Variants in ULK1 observed in about 807,000 individuals in gnomAD.
ULK1 encodes the protein serine/threonine-protein kinase ULK1.
ULK1 carries 48 observed loss-of-function variants against 117.5 expected under a neutral mutation model. The observed-to-expected ratio is 0.41, with a 90% confidence interval of 0.32 to 0.52. The LOEUF (loss-of-function observed/expected upper bound fraction) is 0.52. Among genes scored for constraint, ULK1 ranks in the 20% least tolerant of loss-of-function variants. ULK1 has a pLI of 0.29. For missense variants in ULK1, 1,387 were observed against 1,473.4 expected (o/e 0.94, Z 0.96); for synonymous variants, 790 against 637.8 (o/e 1.24, Z -3.60).
In ULK1 at chr12:131,915,437, A is replaced by T; in HGVS notation, c.1609+16A>T. On this transcript the variant is annotated intron_variant, in intron 18 of 27. Coordinates refer to ENST00000321867, the MANE Select transcript of ULK1 (RefSeq NM_003565.4). Reference sequence around the variant, plus strand: ...CCTCGTCCAGGTGGGTGCAGTCCGGAGGGGGGAGGGGGTGCTAGGCTGACC... The same window carrying T: ...CCTCGTCCAGGTGGGTGCAGTCCGGTGGGGGGAGGGGGTGCTAGGCTGACC... 6.2e-7 allele frequency: 1 copy of T among 1,610,718 alleles called. No homozygotes were observed. The highest frequency in any genetic ancestry group is 1.1e-5 in the South Asian group (1 of 90,938).
At chr12:131,915,763 C>T (rs540966008) in intron 18 of ULK1, 128 bp from the exon 19 acceptor site, 26 of 1,303,162 alleles carry the variant, frequency 2.0e-5, no homozygotes, top group Non-Finnish European at 2.3e-5. Context: ...GGCGAGACCC[C>T]GTCTCAACAA....
intron 20 of ULK1, 81 bp downstream of exon 20, chr12:131,916,672 G>A: frequency 7.1e-7 from 1 of 1,409,892 alleles, no homozygotes; most frequent in Non-Finnish European, 9.3e-7. Context: ...GTACTTCTGG[G>A]GGGTAGAACA....
intron 18 of ULK1, 130 bp from the exon 19 acceptor site, chr12:131,915,761 C>A: frequency 7.8e-7 from 1 of 1,286,292 alleles, no homozygotes; most frequent in Non-Finnish European, 1.1e-6. Flanking sequence ...AGGGCGAGAC[C>A]CCGTCTCAAC....
chr12:131,914,619 T>C lies in ULK1; in HGVS notation c.1373+142T>C, dbSNP rs764235095. On this transcript the variant is annotated intron_variant, in intron 16 of 27. Coordinates refer to ENST00000321867, the MANE Select transcript of ULK1 (RefSeq NM_003565.4). The stretch of plus-strand genomic sequence containing the variant: ...CACTGCGTAACTCAGCACCACCATT[T>C]ACTTTGTTGATGTCTTGGGTTTCTA... 117 of 1,153,948 alleles carry C rather than the reference T, an allele frequency of 1.0e-4. No individual in the cohort carries two copies. In the Middle Eastern group the frequency reaches 1.2e-3, roughly 12 times the overall value. The allele number at this position is 1,153,948 out of a possible 1,614,324, so 71.5% of individuals were successfully genotyped here. A position where few individuals can be genotyped will look rare whatever the true frequency, so the allele number is the denominator to read the frequency against.
chr12:131,896,177 GTGTT>G (rs1427391241), intron 3 of ULK1, among the ~76,000 whole-genome samples: 1 of 152,158 alleles, frequency 6.6e-6, no homozygotes, highest in African/African-American at 2.4e-5. Context: ...TCTAGGCCGT[GTGTT>G]TGTTGACATT....
intron 3 of ULK1, among the ~76,000 whole-genome samples, chr12:131,899,290 G>A (rs1888997592): frequency 6.6e-6 from 1 of 151,722 alleles, no homozygotes; most frequent in South Asian, 2.1e-4. Context: ...CCGGGTTCAA[G>A]CGATTCTCCT....
intron 3 of ULK1, among the ~76,000 whole-genome samples, chr12:131,901,967 C>T (rs1013182447): frequency 1.3e-5 from 2 of 152,160 alleles, no homozygotes; most frequent in Non-Finnish European, 2.9e-5. Flanking sequence ...GGCCACCCAC[C>T]CCTGCCTCAC....
intron 18 of ULK1, among the ~76,000 whole-genome samples, 193 bp downstream of exon 18, chr12:131,915,614 T>C (rs1889743413): frequency 6.6e-6 from 1 of 152,180 alleles, no homozygotes; most frequent in Admixed American, 6.5e-5. Flanking sequence ...TGTGCCAGTC[T>C]TCTGTGCTGG....
Position 131,913,187 on chromosome 12 carries a change from T to TC in ULK1, c.1097-6dup. ...CAAGGACTCCAGGCCCAGCCTTGTC[T>TC]CCCCCTGCAGGTGACCTGGTGGCTG... On this transcript the variant is annotated splice_polypyrimidine_tract_variant and intron_variant, in intron 13 of 27. Transcript: ENST00000321867. The TC allele has an allele frequency of 1.3e-6, 2 of 1,566,272 alleles. No homozygotes were observed.
intron 3 of ULK1, among the ~76,000 whole-genome samples, chr12:131,901,983 C>G (rs886360119): frequency 1.3e-5 from 2 of 152,160 alleles, no homozygotes; most frequent in Non-Finnish European, 2.9e-5. Context: ...CTCACTGCAT[C>G]TAGGGACCTG....
chr12:131,908,872 C>G (rs776524514), intron 6 of ULK1, 26 bp from the exon 7 acceptor site: 56 of 1,608,266 alleles, frequency 3.5e-5, no homozygotes, highest in Non-Finnish European at 4.7e-5. Context: ...GGGGCCGGCG[C>G]CGGTCCTGAC....
chr12:131,912,662 G>A (rs1239106371), intron 13 of ULK1, among the ~76,000 whole-genome samples: 1 of 152,214 alleles, frequency 6.6e-6, no homozygotes, highest in East Asian at 1.9e-4. Flanking sequence ...CTCATGCCGA[G>A]CCCTCCGCCT....
Position 131,918,780 on chromosome 12 carries a change from G to GCT in ULK1, c.2511+99_2511+100insCT, listed in dbSNP as rs1889988472. On this transcript the variant is annotated intron_variant, in intron 23 of 27. Transcript: ENST00000321867. ...GGGGTATAGGGTGTGTGGGGTGTCGGGTGTGGGGTGTCGGGGGTGTGGGGT... is the reference window on the plus strand; with the variant it reads ...GGGGTATAGGGTGTGTGGGGTGTCGGCTGTGTGGGGTGTCGGGGGTGTGGGGT... 5.1e-6 allele frequency: 5 copies of GCT among 983,376 alleles called. No individual in the cohort carries two copies. The African/African-American group carries it at 5.6e-5, about 11-fold the overall frequency. 60.9% of individuals were successfully genotyped at this position (983,376 alleles called of 1,614,324 possible).
At chr12:131,895,865 G>A (rs1315805125) in intron 3 of ULK1, 41 bp downstream of exon 3, 2 of 1,612,866 alleles carry the variant, frequency 1.2e-6, no homozygotes, top group South Asian at 1.1e-5. Flanking sequence ...ACCGGGCTGG[G>A]GGACTGTGGC....
chr12:131,905,415 C>T (rs1004081105), intron 3 of ULK1, among the ~76,000 whole-genome samples: 15 of 152,096 alleles, frequency 9.9e-5, no homozygotes, highest in South Asian at 2.1e-4. Flanking sequence ...GCTCCTGAGG[C>T]GCTGAGGGGT....
At chr12:131,899,142 C>G (rs781637087) in intron 3 of ULK1, among the ~76,000 whole-genome samples, 4 of 152,072 alleles carry the variant, frequency 2.6e-5, no homozygotes, top group Non-Finnish European at 5.9e-5. Context: ...GCTGGGATTA[C>G]AGGCATGAGC....
At chr12:131,911,234 C>T (rs113621369) in intron 12 of ULK1, among the ~76,000 whole-genome samples, 2,445 of 152,288 alleles carry the variant, frequency 0.016, 66 homozygotes, top group African/African-American at 0.056. Flanking sequence ...CATGAACCCC[C>T]GTCCCTCTGT....
chr12:131,913,240 A>C lies in ULK1; in HGVS notation c.1139A>C (p.Asp380Ala), dbSNP rs1202526720. The change falls in exon 14 of 28, where the codon GAC (aspartate) becomes GCC (alanine). Residue 380 changes from aspartate (D) to alanine (A), a missense_variant. Asp to Ala is a moderately radical substitution (Grantham distance 126). Around this residue, in one of 4 missense-constraint regions of ULK1, gnomAD observed 260 missense variants for 271.6 expected, o/e 0.96. Coordinates refer to ENST00000321867, the MANE Select transcript of ULK1 (RefSeq NM_003565.4). ...GCGCCCAGTGCCAAACCCCCGCCAG[A>C]CAGCCTGATGTGCAGTGGGTGAGCC... is the stretch of plus-strand genomic sequence containing the variant. ...AEAPSAKPPP[D>A]SLMCSGSSLV... The C allele has an allele frequency of 6.3e-7, 1 of 1,593,018 alleles. No individual in the cohort carries two copies. The highest frequency in any genetic ancestry group is 8.5e-7 in the Non-Finnish European group (1 of 1,171,514).
In ULK1 at chr12:131,910,320, T is replaced by C; in HGVS notation, c.859+16T>C. ...GTCAGGAAATGTGAGTTTCTGTGGG[T>C]CCTGGGGCTCCGCATGGGCCCTGCA... On this transcript the variant is annotated intron_variant, in intron 11 of 27. Coordinates refer to ENST00000321867, the MANE Select transcript of ULK1 (RefSeq NM_003565.4). 1 of 1,613,564 alleles carries C rather than the reference T, an allele frequency of 6.2e-7. No homozygotes were observed. Among genetic ancestry groups the C allele is most frequent in the Non-Finnish European group, 8.5e-7 (1 of 1,179,944 alleles).
Sources: gnomAD v4.1 joint callset for allele counts (sites outside exome capture counted in the v4.1 genomes callset) on GRCh38, gnomAD v4.1.1 for gene constraint, gnomAD v4.1.1 regional missense constraint, MANE v1.5 for transcripts, NCBI Gene and HGNC (gene_info 2026-07-23, HGNC 2026-07-21) for gene names.